Variants in RAPGEF4 observed in about 807,000 individuals in gnomAD.
The protein encoded by RAPGEF4 is RAP guanine-nucleotide-exchange factor (GEF) 4.
A neutral mutation model predicts 147.9 loss-of-function variants in RAPGEF4; 66 were observed. The ratio of observed to expected loss-of-function variants is 0.45; its 90% CI spans 0.37 to 0.55. RAPGEF4 has a LOEUF of 0.55. Ranked by LOEUF, RAPGEF4 falls within the 20% of genes least tolerant of loss-of-function variation. RAPGEF4 has a pLI of 0.00. For synonymous variants in RAPGEF4, 419 were observed against 442.7 expected (o/e 0.95, Z 0.67); for missense variants, 1,071 against 1,257.3 (o/e 0.85, Z 2.24).
At chr2:172,873,735 A>G (rs1305898362) in intron 4 of RAPGEF4, among the ~76,000 whole-genome samples, 1 of 152,206 alleles carries the variant, frequency 6.6e-6, no homozygotes, top group Non-Finnish European at 1.5e-5. Flanking sequence ...GCACAGCAAA[A>G]GGAATATCAT....
intron 1 of RAPGEF4, among the ~76,000 whole-genome samples, chr2:172,793,496 A>G (rs1686032469): frequency 6.6e-6 from 1 of 152,190 alleles, no homozygotes; most frequent in African/African-American, 2.4e-5. Flanking sequence ...AGGCTAGTAC[A>G]TTCATGGGAG....
At chr2:172,996,334 C>G in intron 15 of RAPGEF4, 132 bp from the exon 16 acceptor site, 1 of 486,320 alleles carries the variant, frequency 2.1e-6, no homozygotes, top group Non-Finnish European at 3.6e-6. Context: ...AGTGTGTGGT[C>G]TCTCTTACCA....
intron 1 of RAPGEF4, among the ~76,000 whole-genome samples, chr2:172,778,082 G>A (rs1009959239): frequency 1.3e-5 from 2 of 152,166 alleles, no homozygotes; most frequent in Admixed American, 6.5e-5. Flanking sequence ...ATATTATCTT[G>A]TTAGTGAAGT....
chr2:172,853,369 T>C (rs1371341604), intron 4 of RAPGEF4, among the ~76,000 whole-genome samples: 3 of 152,056 alleles, frequency 2.0e-5, no homozygotes, highest in Non-Finnish European at 4.4e-5. Flanking sequence ...GTAAATTGTA[T>C]TCTTGAAGGA....
chr2:172,833,901 T>C (rs992114102), intron 4 of RAPGEF4, among the ~76,000 whole-genome samples: 55 of 152,330 alleles, frequency 3.6e-4, no homozygotes, highest in Middle Eastern at 3.4e-3. Flanking sequence ...TTTTAAAAAA[T>C]CATTTTATTG....
chr2:172,933,601 C>T (rs140436871), intron 6 of RAPGEF4, among the ~76,000 whole-genome samples: 5 of 152,042 alleles, frequency 3.3e-5, no homozygotes, highest in African/African-American at 7.2e-5. Context: ...AGGACATGCC[C>T]GGGGCATGAA....
intron 29 of RAPGEF4, 104 bp from the exon 30 acceptor site, chr2:173,048,496 C>G (rs1356917982): frequency 1.3e-6 from 2 of 1,531,402 alleles, no homozygotes; most frequent in East Asian, 2.4e-5. Context: ...GAACATGTCA[C>G]TTCTCATGGT....
intron 4 of RAPGEF4, among the ~76,000 whole-genome samples, chr2:172,853,962 T>C (rs1429153230): frequency 1.3e-5 from 2 of 152,084 alleles, no homozygotes; most frequent in Non-Finnish European, 2.9e-5. Flanking sequence ...TTTCGCTCAG[T>C]ACCTTTTAAT....
chr2:172,795,479 G>C (rs74851449), intron 2 of RAPGEF4, among the ~76,000 whole-genome samples: 3 of 152,168 alleles, frequency 2.0e-5, no homozygotes, highest in Non-Finnish European at 4.4e-5. Flanking sequence ...TCTAATCCAA[G>C]AAATATGTGG....
At chr2:173,018,864 T>TATGTAAGGAGTTAGCGTGGTC in intron 22 of RAPGEF4, 62 bp downstream of exon 22, 2 of 1,571,222 alleles carry the variant, frequency 1.3e-6, no homozygotes, top group Non-Finnish European at 8.7e-7. Flanking sequence ...AAGCAGAAAC[T>TATGTAAGGAGTTAGCGTGGTC]ATGTAAGGAG....
intron 17 of RAPGEF4, 123 bp downstream of exon 17, chr2:173,001,467 T>C (rs1693916990): frequency 2.5e-6 from 3 of 1,208,556 alleles, no homozygotes; most frequent in Non-Finnish European, 3.5e-6. Flanking sequence ...CATTCCACCC[T>C]CATCACACTG....
chr2:173,020,551 T>G (rs1338388750), intron 22 of RAPGEF4, 67 bp from the exon 23 acceptor site: 1 of 1,261,942 alleles, frequency 7.9e-7, no homozygotes, highest in East Asian at 2.3e-5. Flanking sequence ...TTTGTTGGTG[T>G]GATTAGGGCA....
At chr2:172,816,529 G>A (rs565153044) in intron 4 of RAPGEF4, among the ~76,000 whole-genome samples, 8 of 152,286 alleles carry the variant, frequency 5.3e-5, no homozygotes, top group Middle Eastern at 3.4e-3. Context: ...TTGATGCTAC[G>A]TTTGATCCCT....
intron 4 of RAPGEF4, among the ~76,000 whole-genome samples, chr2:172,855,020 AC>A (rs1693262990): frequency 6.6e-6 from 1 of 152,128 alleles, no homozygotes; most frequent in Non-Finnish European, 1.5e-5. Flanking sequence ...TGATTCACTC[AC>A]AGTAGATCTA....
At chr2:172,952,154 G>A (rs538602070) in intron 6 of RAPGEF4, among the ~76,000 whole-genome samples, 16 of 152,138 alleles carry the variant, frequency 1.1e-4, no homozygotes, top group Admixed American at 5.2e-4. Context: ...AGGACTGCAG[G>A]CATGTGCCAC....
At chr2:173,034,010 C>G in intron 27 of RAPGEF4, 46 bp downstream of exon 27, 2 of 1,532,774 alleles carry the variant, frequency 1.3e-6, no homozygotes, top group Non-Finnish European at 1.8e-6. Flanking sequence ...CTACATTAAT[C>G]CAATTTCTGA....
intron 1 of RAPGEF4, among the ~76,000 whole-genome samples, chr2:172,776,357 C>T: frequency 6.6e-6 from 1 of 152,164 alleles, no homozygotes; most frequent in East Asian, 1.9e-4. Context: ...AAATAAATCC[C>T]ACCTCTTAAT....
At chr2:172,820,731 A>G (rs1212033162) in intron 4 of RAPGEF4, among the ~76,000 whole-genome samples, 1 of 152,248 alleles carries the variant, frequency 6.6e-6, no homozygotes, top group Non-Finnish European at 1.5e-5. Flanking sequence ...GAAAGTAATT[A>G]GTAAATAGAG....
rs1294980293 is a variant in RAPGEF4 at position 172,939,487 on chromosome 2, GTTCTT to G, written c.537+17193_537+17197del. ...GTCTTTTGCCCATTTAAAAAATTTG[GTTCTT>G]TTCTTATTGTTTGGAGAATTCTTTG... is the stretch of plus-strand genomic sequence containing the variant. On this transcript the variant is annotated intron_variant, in intron 6 of 30. Transcript: ENST00000397081. Among the ~76,000 whole-genome samples the G allele has an allele frequency of 2.6e-5, 4 of 152,000 alleles. No individual in the cohort carries two copies. In the East Asian group the frequency reaches 5.8e-4, roughly 22 times the overall value.
Sources: allele counts gnomAD v4.1 joint callset (sites outside exome capture counted in the v4.1 genomes callset), GRCh38; gene constraint gnomAD v4.1.1; transcripts MANE v1.5; gene names NCBI Gene and HGNC (gene_info 2026-07-23, HGNC 2026-07-21).